JARID2: variants seen among roughly 807,000 people sequenced by gnomAD.
JARID2 encodes the protein jumonji and AT-rich interaction domain containing 2, also known as protein Jumonji.
A neutral mutation model predicts 125.6 loss-of-function variants in JARID2; 21 were observed. The observed-to-expected ratio is 0.17, with a 90% CI of 0.12 to 0.24. The LOEUF (loss-of-function observed/expected upper bound fraction) is 0.24. JARID2 is among the 10% of genes least tolerant of loss of function. The probability of loss-of-function intolerance (pLI) is 1.00; values close to 1 mark genes in which losing one functional copy is unlikely to be tolerated. For missense variants in JARID2, 1,303 were observed against 1,639.6 expected, an observed-to-expected ratio of 0.79 and a Z score of 3.55; for synonymous variants, 736 against 661.6, an observed-to-expected ratio of 1.11 and a Z score of -1.73.
chr6:15,295,917 TCC>T (rs1761395506), intron 1 of JARID2, among the ~76,000 whole-genome samples: 2 of 152,152 alleles, frequency 1.3e-5, no homozygotes, highest in Non-Finnish European at 2.9e-5. Flanking sequence ...CTCCTTGGCC[TCC>T]CAATGTGCGG....
intron 4 of JARID2, among the ~76,000 whole-genome samples, chr6:15,460,790 C>T (rs1044922026): frequency 8.5e-5 from 13 of 152,170 alleles, no homozygotes; most frequent in Non-Finnish European, 1.5e-4. Flanking sequence ...CTGCAACCTC[C>T]GCCTCCCATG....
chr6:15,397,520 A>T (rs950615288), intron 2 of JARID2, among the ~76,000 whole-genome samples: 1 of 152,208 alleles, frequency 6.6e-6, no homozygotes, highest in Non-Finnish European at 1.5e-5. Flanking sequence ...GGTGATAATT[A>T]GGTGGATGGC....
At chr6:15,359,207 G>A (rs1352736324) in intron 1 of JARID2, among the ~76,000 whole-genome samples, 2 of 152,184 alleles carry the variant, frequency 1.3e-5, no homozygotes, top group Non-Finnish European at 2.9e-5. Context: ...GGTGTGACTC[G>A]CAGGTTGGTA....
At chr6:15,453,117 A>G (rs1006237884) in intron 4 of JARID2, among the ~76,000 whole-genome samples, 7 of 152,226 alleles carry the variant, frequency 4.6e-5, no homozygotes, top group African/African-American at 1.4e-4. Context: ...ACATTTTCCT[A>G]TAACTGTCAA....
chr6:15,513,505 C>T (rs898519041), intron 16 of JARID2, 83 bp downstream of exon 16: 68 of 1,336,302 alleles, frequency 5.1e-5, no homozygotes, highest in African/African-American at 2.9e-4. Context: ...AGAGGGAGGG[C>T]GCTCTCTGCC....
Position 15,413,513 on chromosome 6 carries a change from A to G in JARID2, c.323+3148A>G, listed in dbSNP as rs79496391. 7.2e-3 allele frequency among the ~76,000 whole-genome samples: 1,099 copies of G among 152,322 alleles called. 14 individuals are homozygous for G. The highest frequency in any genetic ancestry group is 0.025 in the African/African-American group (1,045 of 41,568). On this transcript the variant is annotated intron_variant, in intron 3 of 17. Transcript: ENST00000341776. The stretch of plus-strand genomic sequence containing the variant: ...AGGCTTGGTATTCAAAGATTGAGGG[A>G]CTGCATCTGGCGAGAGCTTTCTTGC...
At chr6:15,359,541 TTCAC>T (rs1561812641) in intron 1 of JARID2, among the ~76,000 whole-genome samples, 1 of 152,112 alleles carries the variant, frequency 6.6e-6, no homozygotes, top group Non-Finnish European at 1.5e-5. Flanking sequence ...GCAGTGTCAC[TTCAC>T]TCACTCGGCC....
rs1771370249 is a variant in JARID2 at position 15,513,310 on chromosome 6, A to G, written c.3338A>G (p.His1113Arg). 12 of 1,607,756 alleles carry G rather than the reference A, an allele frequency of 7.5e-6. No individual in the cohort carries two copies. The highest frequency in any genetic ancestry group is 1.0e-5 in the Non-Finnish European group (12 of 1,177,788). The change falls in exon 16 of 18, where the codon CAC (histidine) becomes CGC (arginine). Residue 1113 changes from histidine to arginine, a missense_variant. Physicochemically the swap from His to Arg is conservative, Grantham distance 29 (BLOSUM62 0). This residue lies in a region of JARID2 where 190 missense variants were observed against 341.4 expected (regional missense o/e 0.56). Coordinates refer to ENST00000341776, the MANE Select transcript of JARID2 (RefSeq NM_004973.4). ...GLHSSARYGS[H>R]DGSSTVADGK... ...CACTCCTCCGCACGCTATGGCAGCC[A>G]CGATGGCAGCAGCACGGTGGCGGAC...
intron 1 of JARID2, among the ~76,000 whole-genome samples, chr6:15,311,274 T>C (rs1308987240): frequency 1.3e-5 from 2 of 152,148 alleles, no homozygotes; most frequent in Non-Finnish European, 2.9e-5. Context: ...GGTACACTTT[T>C]ACATTAGAAA....
chr6:15,366,035 C>T (rs1763960478), intron 1 of JARID2, among the ~76,000 whole-genome samples: 1 of 152,112 alleles, frequency 6.6e-6, no homozygotes, highest in African/African-American at 2.4e-5. Context: ...TTTCCTTCAT[C>T]ACCCCCAACC....
chr6:15,386,874 C>T (rs1042163233), intron 2 of JARID2, among the ~76,000 whole-genome samples: 6 of 152,232 alleles, frequency 3.9e-5, no homozygotes, highest in African/African-American at 1.4e-4. Flanking sequence ...ATGACATTCT[C>T]AGAGTCAGAC....
chr6:15,501,905 G>A (rs923037662), intron 8 of JARID2, among the ~76,000 whole-genome samples: 3 of 152,200 alleles, frequency 2.0e-5, no homozygotes, highest in Non-Finnish European at 4.4e-5. Flanking sequence ...TCATCCTGGT[G>A]CTCGACAGCT....
At chr6:15,508,295 G>GTTGCC in intron 11 of JARID2, 45 bp from the exon 12 acceptor site, 1 of 948,140 alleles carries the variant, frequency 1.1e-6, no homozygotes, top group East Asian at 2.4e-5. Flanking sequence ...TTGAGACCTT[G>GTTGCC]TTGCCTAGCT....
At chr6:15,420,144 C>T (rs1766417739) in intron 3 of JARID2, among the ~76,000 whole-genome samples, 2 of 152,176 alleles carry the variant, frequency 1.3e-5, no homozygotes, top group South Asian at 4.1e-4. Flanking sequence ...GCTGGGCACG[C>T]CTGTAATCCT....
intron 3 of JARID2, among the ~76,000 whole-genome samples, chr6:15,422,726 G>A (rs773180350): frequency 1.3e-4 from 20 of 152,186 alleles, no homozygotes; most frequent in Non-Finnish European, 2.5e-4. Context: ...AGATGAAGCT[G>A]GTCAAATAAA....
chr6:15,474,335 G>C, intron 5 of JARID2, among the ~76,000 whole-genome samples: 1 of 152,142 alleles, frequency 6.6e-6, no homozygotes, highest in East Asian at 1.9e-4. Flanking sequence ...ACCATTTCTA[G>C]ATGATTAAAA....
At chr6:15,484,598 C>G (rs561086778) in intron 5 of JARID2, among the ~76,000 whole-genome samples, 9 of 152,290 alleles carry the variant, frequency 5.9e-5, no homozygotes, top group African/African-American at 2.2e-4. Context: ...GATGTTCTAC[C>G]TACCGGAACA....
At chr6:15,358,892 T>G (rs1230225685) in intron 1 of JARID2, among the ~76,000 whole-genome samples, 1 of 152,190 alleles carries the variant, frequency 6.6e-6, no homozygotes, top group African/African-American at 2.4e-5. Flanking sequence ...CATTCTGAGT[T>G]TATAAGATCT....
intron 1 of JARID2, among the ~76,000 whole-genome samples, chr6:15,258,565 C>G (rs1759754053): frequency 6.6e-6 from 1 of 152,192 alleles, no homozygotes; most frequent in Admixed American, 6.6e-5. Flanking sequence ...GGGCGGATCA[C>G]AAGGTCAGGA....
Sources: gnomAD v4.1 joint callset for allele counts (sites outside exome capture counted in the v4.1 genomes callset) on GRCh38, gnomAD v4.1.1 for gene constraint, gnomAD v4.1.1 regional missense constraint, MANE v1.5 for transcripts, NCBI Gene and HGNC (gene_info 2026-07-23, HGNC 2026-07-21) for gene names.